The following FARP1 variants were observed in gnomAD, a reference collection of about 807,000 sequenced individuals.
FARP1 encodes FERM, ARHGEF and pleckstrin domain-containing protein 1.
A neutral mutation model predicts 128.8 loss-of-function variants in FARP1; 52 were observed. The observed-to-expected ratio is 0.40, with a 90% confidence interval of 0.32 to 0.51. The LOEUF (loss-of-function observed/expected upper bound fraction) is 0.51, where lower values mean the gene tolerates loss of function less well. Ranked by LOEUF, FARP1 falls within the 20% of genes least tolerant of loss-of-function variation. FARP1 has a pLI of 0.45. For synonymous variants in FARP1, 580 were observed against 551.8 expected (o/e 1.05, Z -0.72); for missense variants, 1,333 against 1,367.9 (o/e 0.97, Z 0.40).
chr13:98,322,688 C>A (rs1887051904), intron 2 of FARP1, among the ~76,000 whole-genome samples: 1 of 152,184 alleles, frequency 6.6e-6, no homozygotes. Flanking sequence ...GAGGCTGTTC[C>A]CCGGGAATTA....
chr13:98,240,063 T>C lies in FARP1; in HGVS notation c.171+26650T>C, dbSNP rs1022209799. 7.2e-5 allele frequency among the ~76,000 whole-genome samples: 11 copies of C among 152,100 alleles called. No homozygotes were observed. In the South Asian group the frequency reaches 1.7e-3, roughly 23 times the overall value. On this transcript the variant is annotated intron_variant, in intron 2 of 26. Transcript: ENST00000319562. ...AGGAGGGGAGGTGGCTTTAGCTCCC[T>C]TTCCTTTAGCCCTGTGGACTGGAGG... is the stretch of plus-strand genomic sequence containing the variant.
rs1286824883 is a variant in FARP1, at chr13:98,378,006, G to GA, written c.496+91dup. ...GAAAAAAATCACATCCACCAAAAAA[G>GA]AAAGTGTCAATGTTTTTGTGTTATT... is the stretch of plus-strand genomic sequence containing the variant. On this transcript the variant is annotated intron_variant, in intron 6 of 26. Transcript: ENST00000319562. 3 of 996,326 alleles carry GA rather than the reference G, an allele frequency of 3.0e-6. No homozygotes were observed. In the South Asian group the frequency reaches 4.2e-5, roughly 14 times the overall value. The allele number at this position is 996,326 out of a possible 1,614,324, so 61.7% of individuals were successfully genotyped here.
At position 98,202,902 on chromosome 13, in the gene FARP1, TG is replaced by T. The variant is rs915356692; in HGVS notation, c.-23-10316del. ...GCCTGGGTAGTTTTTAAATTTTTTGTGGAGACGGGGTTTTGCTATGTTGCCT... is the reference window on the plus strand; with the variant it reads ...GCCTGGGTAGTTTTTAAATTTTTTGTGAGACGGGGTTTTGCTATGTTGCCT... On this transcript the variant is annotated intron_variant, in intron 1 of 26. Transcript: ENST00000319562. Among the ~76,000 whole-genome samples, 164 of 152,238 alleles carry T rather than the reference TG, an allele frequency of 1.1e-3. 3 individuals carry two copies. Among genetic ancestry groups the T allele is most frequent in the East Asian group, 1.2e-3 (6 of 5,174 alleles).
At chr13:98,233,286 C>T (rs9805603) in intron 2 of FARP1, among the ~76,000 whole-genome samples, 1 of 152,202 alleles carries the variant, frequency 6.6e-6, no homozygotes, top group Non-Finnish European at 1.5e-5. Flanking sequence ...CACCCTGTTA[C>T]TGATGAATGC....
intron 5 of FARP1, among the ~76,000 whole-genome samples, chr13:98,370,846 G>A (rs1025637233): frequency 4.6e-5 from 7 of 152,150 alleles, no homozygotes; most frequent in African/African-American, 9.7e-5. Context: ...TCAAATCAGC[G>A]AAGAAGGCAA....
At chr13:98,184,933 T>A (rs1878763757) in intron 1 of FARP1, among the ~76,000 whole-genome samples, 2 of 152,146 alleles carry the variant, frequency 1.3e-5, no homozygotes, top group South Asian at 4.1e-4. Context: ...AAAACAAAAC[T>A]CTAATTCATA....
intron 2 of FARP1, chr13:98,333,766 C>T (rs1413928663): frequency 2.6e-5 from 4 of 151,952 alleles, no homozygotes; most frequent in Non-Finnish European, 5.9e-5. Context: ...TGGTCAGAAC[C>T]GATGGGCAGG....
chr13:98,449,146 GATCAGCACC>G lies in FARP1; in HGVS notation c.*832_*840del, dbSNP rs1893057631. ...CAAGCATGAAAACCCGTGTGTCATT[GATCAGCACC>G]ATTTGTGGTATGTTCCGTGATGAGC... On this transcript the variant is annotated 3_prime_UTR_variant, in exon 27 of 27. Coordinates refer to ENST00000319562, the MANE Select transcript of FARP1 (RefSeq NM_005766.4). 6.6e-6 allele frequency: 1 copy of G among 152,224 alleles called. No individual in the cohort carries two copies. Among genetic ancestry groups the G allele is most frequent in the Non-Finnish European group, 1.5e-5 (1 of 68,058 alleles). 9.4% of individuals were successfully genotyped at this position (152,224 alleles called of 1,614,324 possible). A position where few individuals can be genotyped will look rare whatever the true frequency, so the allele number is the denominator to read the frequency against.
intron 2 of FARP1, among the ~76,000 whole-genome samples, chr13:98,274,809 A>T (rs562810794): frequency 7.8e-4 from 119 of 152,352 alleles, no homozygotes; most frequent in South Asian, 4.8e-3. Context: ...AAAAGCTGGT[A>T]CCAGTATCCT....
chr13:98,405,764 C>T lies in FARP1; in HGVS notation c.1415-3574C>T, dbSNP rs146992403. ...TAGGGTCCCCCCAAATTATTTACCTCGAGTTCCCTAATGAAATTACTTTGC... is the reference window on the plus strand; with the variant it reads ...TAGGGTCCCCCCAAATTATTTACCTTGAGTTCCCTAATGAAATTACTTTGC... On this transcript the variant is annotated intron_variant, in intron 13 of 26. Coordinates refer to ENST00000319562, the MANE Select transcript of FARP1 (RefSeq NM_005766.4). The T allele has an allele frequency of 5.3e-5, 8 of 152,248 alleles. No individual in the cohort carries two copies. The East Asian group carries it at 7.7e-4, about 15-fold the overall frequency. The allele number at this position is 152,248 out of a possible 1,614,324, so 9.4% of individuals were successfully genotyped here. A position where few individuals can be genotyped will look rare whatever the true frequency, so the allele number is the denominator to read the frequency against.
intron 1 of FARP1, among the ~76,000 whole-genome samples, chr13:98,174,213 T>C (rs1294144307): frequency 1.3e-5 from 2 of 152,244 alleles, no homozygotes; most frequent in African/African-American, 4.8e-5. Flanking sequence ...TTGCAAATGA[T>C]TGATTATGAA....
At chr13:98,192,976 C>G (rs942317711) in intron 1 of FARP1, among the ~76,000 whole-genome samples, 2 of 152,126 alleles carry the variant, frequency 1.3e-5, no homozygotes, top group Non-Finnish European at 2.9e-5. Flanking sequence ...GGTGTGTCAG[C>G]AACCATTCAC....
intron 2 of FARP1, among the ~76,000 whole-genome samples, chr13:98,225,136 A>G (rs2139378843): frequency 6.6e-6 from 1 of 152,324 alleles, no homozygotes; most frequent in Non-Finnish European, 1.5e-5. Context: ...AAAACCTCAG[A>G]TGTTACTATT....
intron 4 of FARP1, among the ~76,000 whole-genome samples, chr13:98,366,419 G>T (rs1889086880): frequency 6.6e-6 from 1 of 152,234 alleles, no homozygotes; most frequent in Admixed American, 6.5e-5. Flanking sequence ...GAGCATGGCT[G>T]GCAGGCAACG....
intron 5 of FARP1, among the ~76,000 whole-genome samples, chr13:98,371,018 T>G (rs1438803798): frequency 6.6e-6 from 1 of 152,150 alleles, no homozygotes; most frequent in Non-Finnish European, 1.5e-5. Context: ...AGGCTGGTTT[T>G]CCTGTCGTTG....
intron 2 of FARP1, among the ~76,000 whole-genome samples, chr13:98,272,272 C>A (rs755923717): frequency 6.6e-6 from 1 of 152,086 alleles, no homozygotes; most frequent in Non-Finnish European, 1.5e-5. Flanking sequence ...TCAGGTGATC[C>A]GCCCACCTCA....
At chr13:98,200,185 C>T (rs1440067140) in intron 1 of FARP1, among the ~76,000 whole-genome samples, 5 of 152,190 alleles carry the variant, frequency 3.3e-5, no homozygotes, top group African/African-American at 7.2e-5. Flanking sequence ...CAGGCACTCA[C>T]GACCTTTGGC....
chr13:98,297,715 T>A (rs1261999905), intron 2 of FARP1, among the ~76,000 whole-genome samples: 3 of 152,276 alleles, frequency 2.0e-5, no homozygotes, highest in African/African-American at 7.2e-5. Context: ...GATGTGTATG[T>A]TTGGGGGAAG....
chr13:98,277,143 CA>C (rs1884694539), intron 2 of FARP1, among the ~76,000 whole-genome samples: 8 of 141,550 alleles, frequency 5.7e-5, no homozygotes, highest in South Asian at 4.5e-4. Flanking sequence ...CACACACACA[CA>C]CACACCCCAT....
Sources: gnomAD v4.1 joint callset for allele counts (sites outside exome capture counted in the v4.1 genomes callset) on GRCh38, gnomAD v4.1.1 for gene constraint, MANE v1.5 for transcripts, NCBI Gene and HGNC (gene_info 2026-07-23, HGNC 2026-07-21) for gene names.